PDS5B: variants seen among roughly 807,000 people sequenced by gnomAD.
PDS5B encodes sister chromatid cohesion protein PDS5 homolog B.
Under a neutral mutation model 184.1 loss-of-function variants are expected in PDS5B, and 51 were observed. The observed-to-expected ratio is 0.28, with a 90% CI of 0.22 to 0.35. The LOEUF (loss-of-function observed/expected upper bound fraction) is 0.35, where lower values mean the gene tolerates loss of function less well. PDS5B is among the 10% of genes least tolerant of loss of function. The pLI is 1.00. For missense variants in PDS5B, 1,180 were observed against 1,723.3 expected, an observed-to-expected ratio of 0.68 and a Z score of 5.58; for synonymous variants, 566 against 569.2, an observed-to-expected ratio of 0.99 and a Z score of 0.08.
chr13:32,612,708 A>G (rs762464772), intron 1 of PDS5B, among the ~76,000 whole-genome samples: 1 of 152,220 alleles, frequency 6.6e-6, no homozygotes, highest in Non-Finnish European at 1.5e-5. Flanking sequence ...TAGTTATCAC[A>G]GGAGTGGATT....
At chr13:32,704,259 G>A (rs1185407575) in intron 17 of PDS5B, among the ~76,000 whole-genome samples, 1 of 151,738 alleles carries the variant, frequency 6.6e-6, no homozygotes, top group Non-Finnish European at 1.5e-5. Flanking sequence ...GCCTCCACCT[G>A]CTGTGATCAA....
chr13:32,735,316 C>T lies in PDS5B; in HGVS notation c.2392C>T (p.Leu798Phe), dbSNP rs1953292139. ...AGCTACTTTCATTGTGAAAGATCTTCTCATGAATGATCGGGTAATTTATAT... is the reference window on the plus strand; with the variant it reads ...AGCTACTTTCATTGTGAAAGATCTTTTCATGAATGATCGGGTAATTTATAT... ...LVATFIVKDL[L>F]MNDRLPGKKT... The change falls in exon 21 of 35, where the codon CTC becomes TTC. Residue 798 changes from leucine to phenylalanine, a missense_variant. Leu to Phe is a conservative substitution (Grantham distance 22, BLOSUM62 0). This residue lies in a region of PDS5B where 475 missense variants were observed against 691.5 expected (regional missense o/e 0.69). Transcript: ENST00000315596. The T allele has an allele frequency of 4.4e-6, 7 of 1,606,566 alleles. No individual in the cohort carries two copies. Among genetic ancestry groups the T allele is most frequent in the Non-Finnish European group, 6.0e-6 (7 of 1,176,344 alleles).
At chr13:32,598,449 A>G (rs1472234354) in intron 1 of PDS5B, among the ~76,000 whole-genome samples, 1 of 151,898 alleles carries the variant, frequency 6.6e-6, no homozygotes, top group Non-Finnish European at 1.5e-5. Flanking sequence ...ATTTATTGAG[A>G]TTATTGTAGT....
intron 19 of PDS5B, among the ~76,000 whole-genome samples, chr13:32,714,476 C>T (rs555010538): frequency 3.7e-4 from 56 of 152,282 alleles, no homozygotes; most frequent in African/African-American, 1.2e-3. Context: ...ATTTCCTCTT[C>T]CTAATAAGCC....
At chr13:32,679,508 C>T (rs145191563) in intron 10 of PDS5B, among the ~76,000 whole-genome samples, 1,811 of 152,094 alleles carry the variant, frequency 0.012, 44 homozygotes, top group African/African-American at 0.042. Context: ...TGATGGCATG[C>T]GCCTATAATC....
chr13:32,751,183 A>G (rs1286002641), intron 24 of PDS5B, among the ~76,000 whole-genome samples: 5 of 152,118 alleles, frequency 3.3e-5, no homozygotes, highest in Non-Finnish European at 5.9e-5. Context: ...AGCTCCATCC[A>G]TATTGCTGCA....
intron 1 of PDS5B, among the ~76,000 whole-genome samples, chr13:32,639,672 T>C (rs1182768882): frequency 6.6e-6 from 1 of 152,222 alleles, no homozygotes; most frequent in Non-Finnish European, 1.5e-5. Flanking sequence ...GTTTAATTAT[T>C]GTGTACTGAA....
At position 32,718,936 on chromosome 13, in the gene PDS5B, A is replaced by G. The variant is rs542070904; in HGVS notation, c.2123+8830A>G. 1.4e-4 allele frequency among the ~76,000 whole-genome samples: 22 copies of G among 152,344 alleles called. No homozygotes were observed. In the South Asian group the frequency reaches 4.6e-3, roughly 32 times the overall value. On this transcript the variant is annotated intron_variant, in intron 19 of 34. Transcript: ENST00000315596. ...TACATTGGTCAGGAAAAGGTACGTT[A>G]CCTAGTAAATAATTAGCAAGCAGTT...
chr13:32,727,305 G>A (rs1952938796), intron 19 of PDS5B, among the ~76,000 whole-genome samples: 1 of 152,012 alleles, frequency 6.6e-6, no homozygotes, highest in Admixed American at 6.6e-5. Context: ...TATGTTATAA[G>A]CTCCATAATA....
chr13:32,663,800 T>C lies in PDS5B; in HGVS notation c.625-3964T>C, dbSNP rs1950714214. ...ATTGTATAGTGGTGAAGTCTGAGCT[T>C]TTAGTGCCCCTGTCACCTGAGAAGT... is the stretch of plus-strand genomic sequence containing the variant. On this transcript the variant is annotated intron_variant, in intron 6 of 34. Coordinates refer to ENST00000315596, the MANE Select transcript of PDS5B (RefSeq NM_015032.4). 2.0e-5 allele frequency among the ~76,000 whole-genome samples: 3 copies of C among 152,186 alleles called. No homozygotes were observed. In the South Asian group the frequency reaches 6.2e-4, roughly 32 times the overall value.
At chr13:32,656,216 T>C (rs1950508005) in intron 3 of PDS5B, among the ~76,000 whole-genome samples, 1 of 151,826 alleles carries the variant, frequency 6.6e-6, no homozygotes, top group Admixed American at 6.6e-5. Flanking sequence ...CATGCTGTTT[T>C]GGTTACTGTA....
chr13:32,635,274 G>A (rs538568190), intron 1 of PDS5B, among the ~76,000 whole-genome samples: 1 of 131,812 alleles, frequency 7.6e-6, no homozygotes, highest in East Asian at 2.4e-4. Context: ...CTGCCCTCAA[G>A]TGACCCTCCT....
Position 32,705,023 on chromosome 13 carries a change from T to G in PDS5B, c.1857-1911T>G, listed in dbSNP as rs538965663. ...TCTTTGATCTTTCAGGTAGGTGCTT[T>G]CCCATAGATTTTCGTATACCTGGCT... On this transcript the variant is annotated intron_variant, in intron 17 of 34. Transcript: ENST00000315596. Among the ~76,000 whole-genome samples the G allele has an allele frequency of 2.1e-4, 32 of 152,200 alleles. 1 individual carries two copies. Among genetic ancestry groups the G allele is most frequent in the Admixed American group, 7.9e-4 (12 of 15,278 alleles).
intron 7 of PDS5B, among the ~76,000 whole-genome samples, chr13:32,671,918 A>AT (rs1208941514): frequency 1.3e-5 from 2 of 152,180 alleles, no homozygotes; most frequent in East Asian, 3.8e-4. Context: ...CTTTTGGTTA[A>AT]TTTTTTATGT....
chr13:32,691,033 C>T (rs1255750105), intron 13 of PDS5B: 1 of 151,948 alleles, frequency 6.6e-6, no homozygotes, highest in Non-Finnish European at 1.5e-5. Flanking sequence ...AAAGAAATCA[C>T]GTATATATGT....
intron 1 of PDS5B, among the ~76,000 whole-genome samples, chr13:32,594,669 C>G (rs1366468347): frequency 6.6e-6 from 1 of 152,168 alleles, no homozygotes; most frequent in Non-Finnish European, 1.5e-5. Context: ...GTAAAGAATG[C>G]AATGCTTTTT....
At chr13:32,703,148 TAAAA>T (rs201915258) in intron 17 of PDS5B, among the ~76,000 whole-genome samples, 1 of 151,136 alleles carries the variant, frequency 6.6e-6, no homozygotes, top group East Asian at 1.9e-4. Flanking sequence ...GACAAACAAT[TAAAA>T]AAAAATCAAG....
rs4057303 is a variant in PDS5B, at chr13:32,676,932, C to CAAAAAAA, written c.962+991_962+997dup. Among the ~76,000 whole-genome samples, 48 of 78,822 alleles carry CAAAAAAA rather than the reference C, an allele frequency of 6.1e-4. 2 individuals are homozygous for CAAAAAAA. Among genetic ancestry groups the CAAAAAAA allele is most frequent in the African/African-American group, 2.3e-3 (46 of 19,712 alleles). 51.7% of individuals were successfully genotyped at this position (78,822 alleles called of 152,430 possible). A position where few individuals can be genotyped will look rare whatever the true frequency, so the allele number is the denominator to read the frequency against. ...GGCGACAGAGCGAGACTCTTGTCTC[C>CAAAAAAA]AAAAAAAAAAAAAAAAAAAAAAAAG... On this transcript the variant is annotated intron_variant, in intron 9 of 34. Transcript: ENST00000315596.
At chr13:32,695,317 G>T (rs942507876) in intron 14 of PDS5B, among the ~76,000 whole-genome samples, 2 of 151,640 alleles carry the variant, frequency 1.3e-5, no homozygotes, top group Non-Finnish European at 2.9e-5. Flanking sequence ...TGAGTTTATC[G>T]AACCTGTTAA....
Sources: gnomAD v4.1 joint callset for allele counts (sites outside exome capture counted in the v4.1 genomes callset) on GRCh38, gnomAD v4.1.1 for gene constraint, gnomAD v4.1.1 regional missense constraint, MANE v1.5 for transcripts, NCBI Gene and HGNC (gene_info 2026-07-23, HGNC 2026-07-21) for gene names.